Variants in POU2F1 observed in about 807,000 individuals in gnomAD.
POU2F1 encodes POU class 2 homeobox 1.
POU2F1 carries 16 observed loss-of-function variants against 84.9 expected under a neutral mutation model. That is an observed-to-expected ratio of 0.19 (90% CI 0.13 to 0.29). The LOEUF is 0.29. POU2F1 is among the 10% of genes least tolerant of loss of function. The probability of loss-of-function intolerance (pLI) is 1.00; values close to 1 mark genes in which losing one functional copy is unlikely to be tolerated. For missense variants in POU2F1, 738 were observed against 942.6 expected (o/e 0.78, Z 2.84); for synonymous variants, 368 against 368.3 (o/e 1.00, Z 0.01).
chr1:167,384,907 G>A (rs756783501), intron 8 of POU2F1, among the ~76,000 whole-genome samples: 1 of 151,958 alleles, frequency 6.6e-6, no homozygotes, highest in Non-Finnish European at 1.5e-5. Flanking sequence ...AAAGGAAGAA[G>A]TAAAACTATC....
chr1:167,343,306 T>TAAA (rs1254497975), intron 2 of POU2F1, among the ~76,000 whole-genome samples: 2 of 152,204 alleles, frequency 1.3e-5, no homozygotes, highest in Non-Finnish European at 2.9e-5. Context: ...TTTAGAATTT[T>TAAA]AAAGGTAGTA....
chr1:167,318,068 C>T (rs577586319), intron 1 of POU2F1, among the ~76,000 whole-genome samples: 121 of 152,294 alleles, frequency 7.9e-4, no homozygotes, highest in Non-Finnish European at 1.4e-3. Context: ...ACTCCAGTTC[C>T]TGGCATTAAG....
chr1:167,346,666 G>T (rs1658224984), intron 2 of POU2F1, among the ~76,000 whole-genome samples: 1 of 152,090 alleles, frequency 6.6e-6, no homozygotes, highest in Admixed American at 6.6e-5. Context: ...TGCCACTGCT[G>T]CTCTGACAGG....
chr1:167,326,053 T>C (rs1349253915), intron 1 of POU2F1, among the ~76,000 whole-genome samples: 1 of 152,206 alleles, frequency 6.6e-6, no homozygotes, highest in Non-Finnish European at 1.5e-5. Context: ...CATATGTTAC[T>C]ACTATTTCCT....
chr1:167,354,650 C>T (rs781443654), intron 2 of POU2F1, among the ~76,000 whole-genome samples: 1 of 152,148 alleles, frequency 6.6e-6, no homozygotes, highest in East Asian at 1.9e-4. Context: ...AGCCAGTTTT[C>T]CAGAGCATTT....
At chr1:167,309,976 A>AT (rs1220099804) in intron 1 of POU2F1, among the ~76,000 whole-genome samples, 2 of 152,136 alleles carry the variant, frequency 1.3e-5, no homozygotes, top group East Asian at 3.8e-4. Context: ...TCAGCTCTAA[A>AT]TTCTTTTCAT....
intron 2 of POU2F1, among the ~76,000 whole-genome samples, chr1:167,360,504 G>C (rs1659286197): frequency 1.3e-5 from 2 of 152,160 alleles, no homozygotes; most frequent in South Asian, 4.1e-4. Flanking sequence ...GTTGGGTGTA[G>C]GTGTGGGGCT....
In POU2F1 at chr1:167,415,779, C is replaced by T; in HGVS notation, c.2270C>T (p.Ser757Phe). 6.2e-7 allele frequency: 1 copy of T among 1,612,632 alleles called. No individual in the cohort carries two copies. The highest frequency in any genetic ancestry group is 2.2e-5 in the East Asian group (1 of 44,834). Residue 757 changes from serine (S) to phenylalanine (F), a missense_variant, in exon 16 of 16, where the codon TCC becomes TTC. Ser to Phe is a radical substitution (Grantham distance 155). This residue lies in a region of POU2F1 where 319 missense variants were observed against 386.0 expected (regional missense o/e 0.83). Coordinates refer to ENST00000367866, the MANE Select transcript of POU2F1 (RefSeq NM_002697.4). ...GTGGCCTCTGCCAGCGGGGCTGCGTCCACCACCACCACCGCCTCCAAGGCA... is the reference window on the plus strand; with the variant it reads ...GTGGCCTCTGCCAGCGGGGCTGCGTTCACCACCACCACCGCCTCCAAGGCA... Reference protein sequence around the residue: ...FTVASASGAASTTTTASKAQ With the variant: ...FTVASASGAAFTTTTASKAQ
At chr1:167,320,356 A>T (rs1656224544) in intron 1 of POU2F1, among the ~76,000 whole-genome samples, 2 of 152,232 alleles carry the variant, frequency 1.3e-5, no homozygotes, top group African/African-American at 4.8e-5. Context: ...CCATCTGTGA[A>T]GACATTTTCA....
chr1:167,383,757 C>G (rs1647739456), intron 7 of POU2F1, 100 bp from the exon 8 acceptor site: 1 of 997,734 alleles, frequency 1.0e-6, no homozygotes, highest in South Asian at 1.6e-5. Flanking sequence ...TACCAGAGAT[C>G]AACTGGAAAT....
At chr1:167,374,319 T>C in intron 6 of POU2F1, 23 bp downstream of exon 6, 1 of 1,543,450 alleles carries the variant, frequency 6.5e-7, no homozygotes, top group Admixed American at 2.2e-5. Context: ...CTCCAATAGC[T>C]GGGGCAGCAA....
chr1:167,315,286 A>G (rs1333388753), intron 1 of POU2F1, among the ~76,000 whole-genome samples: 2 of 152,252 alleles, frequency 1.3e-5, no homozygotes, highest in African/African-American at 4.8e-5. Flanking sequence ...ATGTTCACAT[A>G]AAAATATGTA....
At chr1:167,277,680 C>T (rs948387330) in intron 1 of POU2F1, among the ~76,000 whole-genome samples, 6 of 152,104 alleles carry the variant, frequency 3.9e-5, no homozygotes, top group African/African-American at 7.2e-5. Flanking sequence ...TTTCATTCTA[C>T]GACCCAGCAA....
At chr1:167,221,499 C>T (rs1431699694) in intron 1 of POU2F1, among the ~76,000 whole-genome samples, 1 of 148,670 alleles carries the variant, frequency 6.7e-6, no homozygotes, top group Non-Finnish European at 1.5e-5. Context: ...GCGGCGGGGC[C>T]GGAGCGGACC....
At chr1:167,407,969 G>T (rs1649699788) in intron 13 of POU2F1, among the ~76,000 whole-genome samples, 1 of 152,160 alleles carries the variant, frequency 6.6e-6, no homozygotes, top group South Asian at 2.1e-4. Flanking sequence ...GAAAACATTT[G>T]CAGATCACAT....
chr1:167,245,732 C>A (rs1298865481), intron 1 of POU2F1, among the ~76,000 whole-genome samples: 1 of 151,394 alleles, frequency 6.6e-6, no homozygotes, highest in Non-Finnish European at 1.5e-5. Context: ...AAAAAAAAAA[C>A]TTTTTTTGTA....
chr1:167,244,400 T>C (rs1216239000), intron 1 of POU2F1, among the ~76,000 whole-genome samples: 1 of 152,216 alleles, frequency 6.6e-6, no homozygotes, highest in Admixed American at 6.5e-5. Flanking sequence ...GGTTTCTTCC[T>C]GGCAGTTGGC....
At chr1:167,381,946 G>A (rs1470732644) in intron 7 of POU2F1, among the ~76,000 whole-genome samples, 1 of 150,280 alleles carries the variant, frequency 6.7e-6, no homozygotes, top group East Asian at 2.0e-4. Flanking sequence ...ATATTCTTTA[G>A]TCTTTTCAAA....
intron 2 of POU2F1, among the ~76,000 whole-genome samples, chr1:167,357,904 A>C (rs1250728238): frequency 6.7e-6 from 1 of 149,686 alleles, no homozygotes; most frequent in African/African-American, 2.5e-5. Flanking sequence ...CCTGGGTTCA[A>C]GCAATCCCCC....
Sources: gnomAD v4.1 joint callset for allele counts (sites outside exome capture counted in the v4.1 genomes callset) on GRCh38, gnomAD v4.1.1 for gene constraint, gnomAD v4.1.1 regional missense constraint, MANE v1.5 for transcripts, NCBI Gene and HGNC (gene_info 2026-07-23, HGNC 2026-07-21) for gene names.